The following PPP1R1C variants were observed in gnomAD, a reference collection of about 807,000 sequenced individuals.
The protein encoded by PPP1R1C is protein phosphatase 1 regulatory inhibitor subunit 1C, also known as protein phosphatase 1 regulatory subunit 1C.
Under a neutral mutation model 17.4 loss-of-function variants are expected in PPP1R1C, and 15 were observed. The ratio of observed to expected loss-of-function variants is 0.86; its 90% CI spans 0.58 to 1.33. The LOEUF (loss-of-function observed/expected upper bound fraction) is 1.33, where lower values mean the gene tolerates loss of function less well. PPP1R1C is among the 40% of genes most tolerant of loss of function. PPP1R1C has a pLI of 0.00. For synonymous variants in PPP1R1C, 35 were observed against 43.1 expected, an observed-to-expected ratio of 0.81 and a Z score of 0.73; for missense variants, 143 against 130.0, an observed-to-expected ratio of 1.10 and a Z score of -0.48.
chr2:181,988,642 T>C (rs971650683), intron 2 of PPP1R1C, among the ~76,000 whole-genome samples: 4 of 152,180 alleles, frequency 2.6e-5, no homozygotes, highest in African/African-American at 9.7e-5. Flanking sequence ...GAACTTGGTG[T>C]TGGATTTTTT....
chr2:182,091,687 G>A (rs1476385974), intron 4 of PPP1R1C, among the ~76,000 whole-genome samples: 1 of 152,150 alleles, frequency 6.6e-6, no homozygotes, highest in East Asian at 1.9e-4. Context: ...CATCCCACCC[G>A]GCACCATCAG....
chr2:182,111,871 T>A (rs891193943), intron 4 of PPP1R1C, among the ~76,000 whole-genome samples: 4 of 152,070 alleles, frequency 2.6e-5, no homozygotes, highest in Non-Finnish European at 5.9e-5. Context: ...CTCCTTTGTA[T>A]ATAGGATGAT....
chr2:182,050,982 A>G (rs1462449940), intron 2 of PPP1R1C, among the ~76,000 whole-genome samples: 2 of 152,220 alleles, frequency 1.3e-5, no homozygotes, highest in Admixed American at 6.5e-5. Flanking sequence ...GCCTTCAGAC[A>G]AAAACAAAAC....
Position 181,976,587 on chromosome 2 carries a change from T to G in PPP1R1C, n.157+1323T>G, listed in dbSNP as rs780311478. Among the ~76,000 whole-genome samples the G allele has an allele frequency of 3.3e-5, 5 of 152,186 alleles. No individual in the cohort carries two copies. In the South Asian group the frequency reaches 6.2e-4, roughly 19 times the overall value. On this transcript the variant is annotated intron_variant and non_coding_transcript_variant, in intron 2 of 5. Transcript: ENST00000464264. This position sits in a 1 kb window ranked among gnomAD's most constrained non-coding sequence, Gnocchi z 4.8. ...TAATTCTCCTCACCTTAATATAAAT[T>G]TTATCTATATATCTGTATATCTATA...
Position 181,962,420 on chromosome 2 carries a change from T to A in PPP1R1C, n.111+7786T>A. On this transcript the variant is annotated intron_variant and non_coding_transcript_variant, in intron 1 of 5. Coordinates refer to the PPP1R1C transcript ENST00000464264. The surrounding 1 kb of genome is among the most constrained non-coding windows in gnomAD (Gnocchi z 6.0). Reference sequence around the variant, plus strand: ...CGGCCGGGCGCCGTAGTTGGACACCTGGACAGAGCCCAGGAACAGGTAGTT... The same window carrying A: ...CGGCCGGGCGCCGTAGTTGGACACCAGGACAGAGCCCAGGAACAGGTAGTT... 1.4e-6 allele frequency: 1 copy of A among 712,544 alleles called. No homozygotes were observed. Among genetic ancestry groups the A allele is most frequent in the Non-Finnish European group, 2.6e-6 (1 of 389,722 alleles). 44.1% of individuals were successfully genotyped at this position (712,544 alleles called of 1,614,324 possible).
At chr2:182,039,750 C>CATCTAAGTAG (rs1457976071) in intron 2 of PPP1R1C, among the ~76,000 whole-genome samples, 1 of 152,126 alleles carries the variant, frequency 6.6e-6, no homozygotes, top group Admixed American at 6.6e-5. Flanking sequence ...GTGCATTTGA[C>CATCTAAGTAG]ATCTAAGTAG....
chr2:182,077,338 T>C (rs555680203), intron 4 of PPP1R1C, among the ~76,000 whole-genome samples: 2 of 152,244 alleles, frequency 1.3e-5, no homozygotes, highest in African/African-American at 2.4e-5. Context: ...TTAATTTTTA[T>C]GTGAATCGAC....
At position 182,077,237 on chromosome 2, in the gene PPP1R1C, T is replaced by A. The variant is rs189335829; in HGVS notation, c.241+13446T>A. On this transcript the variant is annotated intron_variant, in intron 4 of 4. Coordinates refer to ENST00000682840, the MANE Select transcript of PPP1R1C (RefSeq NM_001080545.3). ...CTACATTAAACTGTTTGTTTTAAAG[T>A]AACATAAAATGTCATAAACTTACTT... 2.0e-3 allele frequency among the ~76,000 whole-genome samples: 294 copies of A among 149,860 alleles called. 2 individuals carry two copies. The highest frequency in any genetic ancestry group is 6.9e-3 in the African/African-American group (273 of 39,294).
At chr2:182,007,410 T>C (rs1056206855) in intron 2 of PPP1R1C, among the ~76,000 whole-genome samples, 5 of 152,240 alleles carry the variant, frequency 3.3e-5, no homozygotes, top group African/African-American at 1.2e-4. Flanking sequence ...TTATATTTAA[T>C]ATCCAATTGA....
At chr2:182,047,693 G>T (rs1159587746) in intron 2 of PPP1R1C, among the ~76,000 whole-genome samples, 1 of 152,070 alleles carries the variant, frequency 6.6e-6, no homozygotes, top group Non-Finnish European at 1.5e-5. Context: ...ATGGTTGTGT[G>T]GTAGGATAAA....
intron 2 of PPP1R1C, among the ~76,000 whole-genome samples, chr2:182,036,998 G>T (rs572617416): frequency 6.6e-6 from 1 of 152,210 alleles, no homozygotes; most frequent in Non-Finnish European, 1.5e-5. Flanking sequence ...CAAAGAGAGA[G>T]TGGATTTGTA....
chr2:182,083,333 T>C (rs1364851730), intron 4 of PPP1R1C, among the ~76,000 whole-genome samples: 1 of 152,148 alleles, frequency 6.6e-6, no homozygotes, highest in African/African-American at 2.4e-5. Flanking sequence ...AAGTCTGAAA[T>C]TGTGATGCTG....
intron 5 of PPP1R1C, among the ~76,000 whole-genome samples, chr2:182,123,160 A>C (rs1027831429): frequency 6.6e-6 from 1 of 152,178 alleles, no homozygotes; most frequent in Non-Finnish European, 1.5e-5. Flanking sequence ...AGCTTCATCC[A>C]TGTGCCTGCA....
intron 4 of PPP1R1C, among the ~76,000 whole-genome samples, chr2:182,106,054 G>A (rs1689240419): frequency 6.6e-6 from 1 of 152,102 alleles, no homozygotes; most frequent in African/African-American, 2.4e-5. Context: ...GCTTATAGAT[G>A]GTGTTCTCTG....
At chr2:181,978,435 T>C (rs968743225) in intron 2 of PPP1R1C, among the ~76,000 whole-genome samples, 1 of 152,178 alleles carries the variant, frequency 6.6e-6, no homozygotes, top group Non-Finnish European at 1.5e-5. Flanking sequence ...CTCAAACAGC[T>C]GGAGATGACT....
At chr2:182,123,265 G>A (rs1574469333) in intron 5 of PPP1R1C, among the ~76,000 whole-genome samples, 1 of 152,174 alleles carries the variant, frequency 6.6e-6, no homozygotes, top group Non-Finnish European at 1.5e-5. Context: ...ATGGACATTT[G>A]GGTTGGTTCC....
intron 4 of PPP1R1C, among the ~76,000 whole-genome samples, chr2:182,098,844 T>C (rs1196339000): frequency 1.3e-5 from 2 of 152,208 alleles, no homozygotes; most frequent in Non-Finnish European, 2.9e-5. Context: ...TATTATGATC[T>C]AAGGGACAGT....
In PPP1R1C at chr2:182,002,934, C is replaced by A. The variant is rs1358850036; in HGVS notation, c.142+15035C>A. 2.9e-5 allele frequency among the ~76,000 whole-genome samples: 4 copies of A among 138,432 alleles called. No individual in the cohort carries two copies. The East Asian group carries it at 8.2e-4, about 28-fold the overall frequency. 90.8% of individuals were successfully genotyped at this position (138,432 alleles called of 152,430 possible). ...CCAAGAGTGATGCCATAAACCTCCC[C>A]CCCCCCACAACCCTGAAATCCCCCA... On this transcript the variant is annotated intron_variant, in intron 2 of 4. Transcript: ENST00000682840.
upstream of PPP1R1C, among the ~76,000 whole-genome samples, chr2:181,982,476 A>T (rs190776779): frequency 1.1e-3 from 174 of 152,328 alleles, 1 homozygote; most frequent in Middle Eastern, 3.4e-3. Flanking sequence ...TTAAGATAGG[A>T]TGGGATTTGC....
Sources: gnomAD v4.1 joint callset for allele counts (sites outside exome capture counted in the v4.1 genomes callset) on GRCh38, gnomAD v4.1.1 for gene constraint, Gnocchi (gnomAD v3.1) non-coding constraint, MANE v1.5 for transcripts, NCBI Gene and HGNC (gene_info 2026-07-23, HGNC 2026-07-21) for gene names.